The following ERC2 variants were observed in gnomAD, a reference collection of about 807,000 sequenced individuals.
ERC2 encodes the protein ERC protein 2.
A neutral mutation model predicts 114.8 loss-of-function variants in ERC2; 42 were observed. The ratio of observed to expected loss-of-function variants is 0.37; its 90% confidence interval spans 0.29 to 0.47. The LOEUF is 0.47. ERC2 is among the 20% of genes least tolerant of loss of function. The probability of loss-of-function intolerance (pLI) is 0.99; values close to 1 mark genes in which losing one functional copy is unlikely to be tolerated. For synonymous variants in ERC2, 454 were observed against 425.5 expected (o/e 1.07, Z -0.82); for missense variants, 939 against 1,150.7 (o/e 0.82, Z 2.66).
At chr3:56,052,515 G>A (rs1162318852) in intron 7 of ERC2, among the ~76,000 whole-genome samples, 1 of 152,190 alleles carries the variant, frequency 6.6e-6, no homozygotes, top group African/African-American at 2.4e-5. Context: ...TGCAATGGAG[G>A]CCATCTGGCC....
At chr3:56,289,708 G>A (rs2054958060) in intron 3 of ERC2, among the ~76,000 whole-genome samples, 1 of 152,156 alleles carries the variant, frequency 6.6e-6, no homozygotes, top group African/African-American at 2.4e-5. Flanking sequence ...CTCCTGCCTT[G>A]AAGACTGGTT....
In ERC2 at chr3:55,794,685, T is replaced by C. The variant is rs2070335101; in HGVS notation, c.2565-59767A>G. On this transcript the variant is annotated intron_variant, in intron 14 of 17. Coordinates refer to ENST00000288221, the MANE Select transcript of ERC2 (RefSeq NM_015576.3). ...TACTTCTAAACAAGTTATATGTTAG[T>C]CAACATTATACCCAGACAAGCTTTC... is the stretch of plus-strand genomic sequence containing the variant. Among the ~76,000 whole-genome samples the C allele has an allele frequency of 3.9e-5, 6 of 152,332 alleles. No homozygotes were observed. In the South Asian group the frequency reaches 1.2e-3, roughly 32 times the overall value.
At chr3:55,761,837 C>T (rs1369329214) in intron 14 of ERC2, among the ~76,000 whole-genome samples, 1 of 149,870 alleles carries the variant, frequency 6.7e-6, no homozygotes, top group Non-Finnish European at 1.5e-5. Flanking sequence ...GATAGCACCA[C>T]TGCACTCTGG....
intron 6 of ERC2, among the ~76,000 whole-genome samples, chr3:56,098,815 C>A (rs17235305): frequency 0.13 from 20,065 of 152,074 alleles, 1,426 homozygotes; most frequent in East Asian, 0.15. Flanking sequence ...ATATTGGCCC[C>A]CTTGATCTAG....
Position 56,378,414 on chromosome 3 carries a change from A to C in ERC2, c.657+55937T>G, listed in dbSNP as rs1331534932. ...GGAAGGGGAATATCACACTCTGGGG[A>C]CTGTTGTGGGGTGGGGGGAGGGGGG... On this transcript the variant is annotated intron_variant, in intron 2 of 17. Coordinates refer to ENST00000288221, the MANE Select transcript of ERC2 (RefSeq NM_015576.3). Among the ~76,000 whole-genome samples, 24 of 110,296 alleles carry C rather than the reference A, an allele frequency of 2.2e-4. No homozygotes were observed. The Admixed American group carries it at 2.5e-3, about 12-fold the overall frequency. 72.4% of individuals were successfully genotyped at this position (110,296 alleles called of 152,430 possible).
intron 13 of ERC2, among the ~76,000 whole-genome samples, chr3:55,933,120 A>T (rs1396469202): frequency 6.6e-6 from 1 of 151,982 alleles, no homozygotes; most frequent in Non-Finnish European, 1.5e-5. Context: ...GAGGCAGGAG[A>T]ATAGCTTGAA....
chr3:56,249,855 C>CT (rs34668162), intron 3 of ERC2, among the ~76,000 whole-genome samples: 103,484 of 112,822 alleles, frequency 0.92, 48,149 homozygotes, highest in East Asian at 0.96. Flanking sequence ...CATCAAATTT[C>CT]TTTTTTTTTT....
At chr3:55,944,137 C>T (rs1369821447) in intron 13 of ERC2, among the ~76,000 whole-genome samples, 4 of 152,174 alleles carry the variant, frequency 2.6e-5, no homozygotes, top group African/African-American at 9.7e-5. Context: ...AAAACCCCCA[C>T]CCCAAGGCTT....
chr3:55,738,508 C>A (rs1326873000), intron 14 of ERC2, among the ~76,000 whole-genome samples: 1 of 152,112 alleles, frequency 6.6e-6, no homozygotes, highest in African/African-American at 2.4e-5. Context: ...TTTTCCCACC[C>A]AGGCTATCTA....
At chr3:55,775,059 C>A (rs1251325850) in intron 14 of ERC2, among the ~76,000 whole-genome samples, 1 of 152,182 alleles carries the variant, frequency 6.6e-6, no homozygotes, top group Non-Finnish European at 1.5e-5. Context: ...CTTTCCACAG[C>A]AGAAGCAGGA....
chr3:55,790,577 G>T (rs1179801356), intron 14 of ERC2, among the ~76,000 whole-genome samples: 1 of 152,154 alleles, frequency 6.6e-6, no homozygotes, highest in Non-Finnish European at 1.5e-5. Flanking sequence ...GCATCCCTCA[G>T]ATAACAGCGG....
chr3:56,024,277 C>T (rs896120336), intron 7 of ERC2, among the ~76,000 whole-genome samples: 1 of 152,174 alleles, frequency 6.6e-6, no homozygotes, highest in Non-Finnish European at 1.5e-5. Context: ...AACACTGTTG[C>T]CCCAACTGCT....
chr3:55,640,056 T>C (rs2060113119), intron 17 of ERC2, among the ~76,000 whole-genome samples: 1 of 152,180 alleles, frequency 6.6e-6, no homozygotes, highest in Non-Finnish European at 1.5e-5. Flanking sequence ...AAGCTTGCTC[T>C]GCATGATATT....
intron 3 of ERC2, among the ~76,000 whole-genome samples, chr3:56,263,212 T>A (rs1311861439): frequency 1.3e-5 from 2 of 151,766 alleles, no homozygotes; most frequent in Non-Finnish European, 2.9e-5. Flanking sequence ...TAAGAAAGGG[T>A]GAGACACTAG....
intron 3 of ERC2, among the ~76,000 whole-genome samples, chr3:56,258,454 G>A (rs1330139331): frequency 1.3e-5 from 2 of 152,116 alleles, no homozygotes; most frequent in Non-Finnish European, 2.9e-5. Context: ...TCAGGAGATT[G>A]AGACCATCCT....
At chr3:55,973,272 A>AT (rs2069314794) in intron 12 of ERC2, among the ~76,000 whole-genome samples, 1 of 152,206 alleles carries the variant, frequency 6.6e-6, no homozygotes, top group Non-Finnish European at 1.5e-5. Flanking sequence ...AATCTGTTGG[A>AT]TTAGTTACAG....
At chr3:56,122,368 T>C (rs1229600436) in intron 6 of ERC2, among the ~76,000 whole-genome samples, 1 of 152,162 alleles carries the variant, frequency 6.6e-6, no homozygotes, top group African/African-American at 2.4e-5. Flanking sequence ...ATGATAATGG[T>C]GGTGGCCCCT....
chr3:56,259,647 T>TGATATGATATGATATGATA, intron 3 of ERC2, among the ~76,000 whole-genome samples: 1 of 143,990 alleles, frequency 6.9e-6, no homozygotes, highest in East Asian at 2.0e-4. Flanking sequence ...TGGTACAGAT[T>TGATATGATATGATATGATA]TGATATGATA....
chr3:56,256,490 C>T (rs934618201), intron 3 of ERC2, among the ~76,000 whole-genome samples: 4 of 152,006 alleles, frequency 2.6e-5, no homozygotes, highest in African/African-American at 4.8e-5. Context: ...CTCTTGATTT[C>T]CAGGAAAACT....
Sources: allele counts gnomAD v4.1 joint callset (sites outside exome capture counted in the v4.1 genomes callset), GRCh38; gene constraint gnomAD v4.1.1; transcripts MANE v1.5; gene names NCBI Gene and HGNC (gene_info 2026-07-23, HGNC 2026-07-21).